CSMD1: variants seen among roughly 807,000 people sequenced by gnomAD.
CSMD1 encodes the protein CUB and Sushi multiple domains 1, also known as CUB and sushi domain-containing protein 1.
A neutral mutation model predicts 417.5 loss-of-function variants in CSMD1; 213 were observed. That is an observed-to-expected ratio of 0.51 (90% confidence interval 0.46 to 0.57). The LOEUF (loss-of-function observed/expected upper bound fraction) is 0.57, where lower values mean the gene tolerates loss of function less well. Ranked by LOEUF, CSMD1 falls within the 20% of genes least tolerant of loss-of-function variation. The pLI, the probability that CSMD1 is intolerant of heterozygous loss-of-function variation, is 0.00. For missense variants in CSMD1, 6,923 were observed against 4,529.7 expected, an observed-to-expected ratio of 1.53 and a Z score of -15.17; for synonymous variants, 2,862 against 1,736.8, an observed-to-expected ratio of 1.65 and a Z score of -16.11.
At chr8:3,602,772 T>C (rs1236869052) in intron 8 of CSMD1, among the ~76,000 whole-genome samples, 2 of 151,908 alleles carry the variant, frequency 1.3e-5, no homozygotes, top group African/African-American at 4.8e-5. Flanking sequence ...CAGAAGGTCA[T>C]TTTGAAGAGC....
At chr8:3,139,871 C>T (rs957008470) in intron 41 of CSMD1, among the ~76,000 whole-genome samples, 2 of 150,538 alleles carry the variant, frequency 1.3e-5, no homozygotes, top group Non-Finnish European at 3.0e-5. Context: ...GATAGATTAC[C>T]GTTTTTTTTC....
intron 28 of CSMD1, among the ~76,000 whole-genome samples, chr8:3,223,386 AGAGTGATAGGAGACATTGAT>A (rs1798321942): frequency 1.3e-5 from 2 of 152,338 alleles, no homozygotes; most frequent in East Asian, 3.9e-4. Flanking sequence ...TCAGGCATTT[AGAGTGATAGGAGACATTGAT>A]GAGAAATTAC....
At chr8:3,884,810 G>C (rs570793672) in intron 5 of CSMD1, among the ~76,000 whole-genome samples, 9 of 151,690 alleles carry the variant, frequency 5.9e-5, no homozygotes, top group African/African-American at 2.2e-4. Flanking sequence ...GGTACGCTAC[G>C]CAAGGAGAAT....
chr8:3,674,032 G>A (rs1486418281), intron 7 of CSMD1, among the ~76,000 whole-genome samples: 2 of 152,134 alleles, frequency 1.3e-5, no homozygotes, highest in Non-Finnish European at 2.9e-5. Context: ...CTTGAGCCTG[G>A]GAGGCAGAGG....
chr8:3,752,497 A>G lies in CSMD1; in HGVS notation c.931+1433T>C, dbSNP rs1348194769. On this transcript the variant is annotated intron_variant, in intron 6 of 69. Coordinates refer to ENST00000635120, the MANE Select transcript of CSMD1 (RefSeq NM_033225.6). ...TGGCGAAACCCCATCTCTACTAAAA[A>G]TACAAAATTAGCCGGGTGTGGTGGT... Among the ~76,000 whole-genome samples the G allele has an allele frequency of 3.3e-5, 5 of 151,818 alleles. No individual in the cohort carries two copies. In the East Asian group the frequency reaches 5.8e-4, roughly 18 times the overall value.
intron 44 of CSMD1, among the ~76,000 whole-genome samples, 167 bp downstream of exon 44, chr8:3,108,436 T>C (rs536322289): frequency 6.6e-6 from 1 of 152,156 alleles, no homozygotes; most frequent in East Asian, 1.9e-4. Context: ...AAAGACATCA[T>C]TAAACAAAAA....
intron 5 of CSMD1, among the ~76,000 whole-genome samples, chr8:3,977,226 C>T (rs976041323): frequency 4.6e-5 from 7 of 152,142 alleles, no homozygotes; most frequent in Non-Finnish European, 1.0e-4. Context: ...CTATTTCTGA[C>T]ACTCCTTGCT....
At chr8:4,559,748 T>C (rs960515064) in intron 2 of CSMD1, among the ~76,000 whole-genome samples, 4 of 152,248 alleles carry the variant, frequency 2.6e-5, no homozygotes, top group Admixed American at 1.3e-4. Flanking sequence ...ATTTCACAAA[T>C]AGTGAGTCAG....
At chr8:3,488,328 A>C (rs1818176616) in intron 11 of CSMD1, among the ~76,000 whole-genome samples, 5 of 152,122 alleles carry the variant, frequency 3.3e-5, no homozygotes, top group Admixed American at 1.3e-4. Flanking sequence ...GGTTGGTCTC[A>C]AACTTTTGGC....
At chr8:3,462,270 A>T (rs1816554176) in intron 12 of CSMD1, among the ~76,000 whole-genome samples, 1 of 152,154 alleles carries the variant, frequency 6.6e-6, no homozygotes, top group South Asian at 2.1e-4. Context: ...AGTTTGGAAG[A>T]CTATACAGTG....
intron 3 of CSMD1, among the ~76,000 whole-genome samples, chr8:4,258,283 G>C (rs946426694): frequency 7.6e-6 from 1 of 131,156 alleles, no homozygotes; most frequent in African/African-American, 3.0e-5. Flanking sequence ...GAGCTATTAT[G>C]GTAAGGAGAA....
chr8:4,543,520 T>C (rs7828474), intron 2 of CSMD1, among the ~76,000 whole-genome samples: 3,390 of 152,148 alleles, frequency 0.022, 113 homozygotes, highest in African/African-American at 0.071. Flanking sequence ...TGGACCACAG[T>C]TTATACATTC....
intron 1 of CSMD1, among the ~76,000 whole-genome samples, chr8:4,774,640 C>G (rs1325522058): frequency 1.3e-5 from 2 of 152,156 alleles, no homozygotes; most frequent in South Asian, 4.1e-4. Context: ...ACCCTAACTT[C>G]ATGTTCAATT....
At chr8:4,464,071 G>C (rs997148141) in intron 2 of CSMD1, among the ~76,000 whole-genome samples, 1 of 152,086 alleles carries the variant, frequency 6.6e-6, no homozygotes, top group Admixed American at 6.6e-5. Context: ...TAAGAAGACT[G>C]AAAGAAACAG....
chr8:4,233,096 T>A (rs1405927176), intron 3 of CSMD1, among the ~76,000 whole-genome samples: 1 of 152,248 alleles, frequency 6.6e-6, no homozygotes, highest in Non-Finnish European at 1.5e-5. Flanking sequence ...GGCACTGAAC[T>A]GCACAGTTGG....
intron 69 of CSMD1, among the ~76,000 whole-genome samples, chr8:2,942,188 G>A (rs1801919228): frequency 6.6e-6 from 1 of 152,046 alleles, no homozygotes; most frequent in Non-Finnish European, 1.5e-5. Context: ...GCTGGAGGGA[G>A]GGAGAGCATC....
chr8:3,193,302 T>C (rs1017806811), intron 33 of CSMD1, among the ~76,000 whole-genome samples: 4 of 152,130 alleles, frequency 2.6e-5, no homozygotes, highest in Non-Finnish European at 4.4e-5. Flanking sequence ...AAAATGACAA[T>C]AAATGAATAA....
At chr8:4,798,007 G>A (rs531610058) in intron 1 of CSMD1, among the ~76,000 whole-genome samples, 8 of 152,110 alleles carry the variant, frequency 5.3e-5, no homozygotes, top group Admixed American at 2.0e-4. Flanking sequence ...CCAAAATCTC[G>A]AAGCATTTTT....
chr8:4,598,520 G>A (rs1012026052), intron 2 of CSMD1, among the ~76,000 whole-genome samples: 5 of 152,260 alleles, frequency 3.3e-5, no homozygotes, highest in Admixed American at 3.3e-4. Flanking sequence ...AGGTGTGGCT[G>A]CTTAGTTACA....
Sources: allele counts gnomAD v4.1 joint callset (sites outside exome capture counted in the v4.1 genomes callset), GRCh38; gene constraint gnomAD v4.1.1; transcripts MANE v1.5; gene names NCBI Gene and HGNC (gene_info 2026-07-23, HGNC 2026-07-21).